Variants in DEF8 observed in about 807,000 individuals in gnomAD.
DEF8 encodes DEF-8.
A neutral mutation model predicts 59.1 loss-of-function variants in DEF8; 38 were observed. That is an observed-to-expected ratio of 0.64 (90% CI 0.50 to 0.84). The LOEUF (loss-of-function observed/expected upper bound fraction) is 0.84. Among genes scored for constraint, DEF8 ranks in the 40% least tolerant of loss-of-function variants. The pLI, the probability that DEF8 is intolerant of heterozygous loss-of-function variation, is 0.00. For synonymous variants in DEF8, 265 were observed against 250.1 expected, an observed-to-expected ratio of 1.06 and a Z score of -0.56; for missense variants, 557 against 615.2, an observed-to-expected ratio of 0.91 and a Z score of 1.00.
At chr16:89,949,323 A>G in intron 1 of DEF8, 94 bp from the exon 2 acceptor site, 1 of 1,012,276 alleles carries the variant, frequency 9.9e-7, no homozygotes, top group Non-Finnish European at 1.4e-6. Context: ...GGTGGGTGGG[A>G]GAGACCTGCC....
intron 12 of DEF8, 75 bp from the exon 13 acceptor site, chr16:89,965,786 C>T (rs893775218): frequency 2.1e-6 from 2 of 944,230 alleles, no homozygotes; most frequent in African/African-American, 1.7e-5. Flanking sequence ...ATGATAGGAG[C>T]TGACCTAGGA....
At chr16:89,965,517 G>A (rs1237138431) in intron 12 of DEF8, among the ~76,000 whole-genome samples, 1 of 152,180 alleles carries the variant, frequency 6.6e-6, no homozygotes, top group Non-Finnish European at 1.5e-5. Context: ...GTGCCGTGAT[G>A]TACAGTTTGG....
chr16:89,963,559 G>C (rs2034301818), intron 10 of DEF8, 116 bp downstream of exon 10: 8 of 749,204 alleles, frequency 1.1e-5, no homozygotes, highest in Non-Finnish European at 1.7e-5. Context: ...GCAGAGGGTC[G>C]CCTCACCACG....
chr16:89,965,376 C>T (rs1332284015), intron 12 of DEF8, among the ~76,000 whole-genome samples: 1 of 152,234 alleles, frequency 6.6e-6, no homozygotes, highest in Non-Finnish European at 1.5e-5. Context: ...TGGTGTCACA[C>T]AGATGGGACT....
At chr16:89,965,692 G>A (rs2034548439) in intron 12 of DEF8, among the ~76,000 whole-genome samples, 169 bp from the exon 13 acceptor site, 1 of 152,130 alleles carries the variant, frequency 6.6e-6, no homozygotes, top group Non-Finnish European at 1.5e-5. Flanking sequence ...CTGCACGCCC[G>A]TAAGCGCTCT....
At chr16:89,956,325 T>C (rs138780717) in intron 4 of DEF8, among the ~76,000 whole-genome samples, 484 of 151,672 alleles carry the variant, frequency 3.2e-3, no homozygotes, top group African/African-American at 0.011. Flanking sequence ...CCGGGCATAG[T>C]GGAGCGCCCC....
In DEF8 at chr16:89,967,066, A is replaced by T; in HGVS notation, c.*1103A>T. 2.6e-6 allele frequency: 1 copy of T among 383,734 alleles called. No homozygotes were observed. The highest frequency in any genetic ancestry group is 3.7e-5 in the East Asian group (1 of 26,946). 23.8% of individuals were successfully genotyped at this position (383,734 alleles called of 1,614,324 possible). On this transcript the variant is annotated 3_prime_UTR_variant, in exon 13 of 13. Coordinates refer to ENST00000563594, the MANE Select transcript of DEF8 (RefSeq NM_001242818.2). ...AACCTACAGCTCTGGGTGAGGGGAC[A>T]CTTGGCTTTGGTGTTTGCACTTTAC...
chr16:89,951,941 G>A (rs929980051), intron 2 of DEF8, among the ~76,000 whole-genome samples: 2 of 151,176 alleles, frequency 1.3e-5, no homozygotes, highest in Admixed American at 6.6e-5. Flanking sequence ...GCAGTGGTGC[G>A]TTCTCGGCTC....
chr16:89,957,661 G>A lies in DEF8; in HGVS notation c.372+1G>A, dbSNP rs1218423613. ...CCGGCTGAAGCTCCAGGAGCTGAAG[G>A]TGGGTGTGGGGCCGCCCCGCCGTGG... is the stretch of plus-strand genomic sequence containing the variant. On this transcript the variant is annotated splice_donor_variant, in intron 5 of 12. Transcript: ENST00000563594. LOFTEE classifies it high-confidence loss of function. The A allele has an allele frequency of 2.6e-6, 4 of 1,553,978 alleles. No homozygotes were observed. Among genetic ancestry groups the A allele is most frequent in the Non-Finnish European group, 3.5e-6 (4 of 1,148,282 alleles).
chr16:89,955,060 G>A, intron 3 of DEF8, 109 bp from the exon 4 acceptor site: 1 of 818,712 alleles, frequency 1.2e-6, no homozygotes, highest in South Asian at 1.5e-5. Context: ...TCCTTTCTGT[G>A]CGGCTTCCTG....
At position 89,965,633 on chromosome 16, in the gene DEF8, G is replaced by C. The variant is rs563982886; in HGVS notation, c.1254-228G>C. 7.2e-5 allele frequency among the ~76,000 whole-genome samples: 11 copies of C among 152,272 alleles called. No individual in the cohort carries two copies. In the South Asian group the frequency reaches 2.1e-3, roughly 29 times the overall value. On this transcript the variant is annotated intron_variant, in intron 12 of 12. Coordinates refer to ENST00000563594, the MANE Select transcript of DEF8 (RefSeq NM_001242818.2). The stretch of plus-strand genomic sequence containing the variant: ...CCCTCAGCTGTGTGAACTGGGACCT[G>C]TGTGGTTGGGGGATAGCAGGTAGCG...
At chr16:89,964,116 C>T (rs755484779) in intron 10 of DEF8, 54 bp from the exon 11 acceptor site, 21 of 1,602,910 alleles carry the variant, frequency 1.3e-5, no homozygotes, top group South Asian at 5.5e-5. Flanking sequence ...CATGGGTGGG[C>T]GGTGGGAGGG....
chr16:89,967,259 G>GA lies in DEF8; in HGVS notation c.*1298dup, dbSNP rs2034651092. The GA allele has an allele frequency of 2.5e-6, 1 of 398,556 alleles. No homozygotes were observed. Among genetic ancestry groups the GA allele is most frequent in the South Asian group, 1.3e-4 (1 of 7,846 alleles). The allele number at this position is 398,556 out of a possible 1,614,324, so 24.7% of individuals were successfully genotyped here. ...TGGCACACGGTGGGCAGAGGGCAGA[G>GA]AATGCCACTGCTTGGTTATTGGTCC... On this transcript the variant is annotated 3_prime_UTR_variant, in exon 13 of 13. Coordinates refer to ENST00000563594, the MANE Select transcript of DEF8 (RefSeq NM_001242818.2).
chr16:89,953,944 AC>A (rs2032657643), intron 2 of DEF8, among the ~76,000 whole-genome samples: 1 of 152,118 alleles, frequency 6.6e-6, no homozygotes, highest in African/African-American at 2.4e-5. Flanking sequence ...GGGCAAGAGG[AC>A]CCTGTGCTGG....
Position 89,967,219 on chromosome 16 carries a change from G to A in DEF8, c.*1256G>A, listed in dbSNP as rs1597547044. ...CCCACACCCTGGACTGTGCTTGGCTGTTGGTGCACATGGTTGGCACACGGT... is the reference window on the plus strand; with the variant it reads ...CCCACACCCTGGACTGTGCTTGGCTATTGGTGCACATGGTTGGCACACGGT... On this transcript the variant is annotated 3_prime_UTR_variant, in exon 13 of 13. Transcript: ENST00000563594. 5.0e-6 allele frequency: 2 copies of A among 398,564 alleles called. No homozygotes were observed. The highest frequency in any genetic ancestry group is 8.8e-6 in the Non-Finnish European group (2 of 226,180). 24.7% of individuals were successfully genotyped at this position (398,564 alleles called of 1,614,324 possible). A position where few individuals can be genotyped will look rare whatever the true frequency, so the allele number is the denominator to read the frequency against.
intron 6 of DEF8, 113 bp downstream of exon 6, chr16:89,959,268 G>T: frequency 6.4e-7 from 1 of 1,552,256 alleles, no homozygotes; most frequent in South Asian, 1.2e-5. Context: ...AGCCAAACAT[G>T]GCCAGTCAAA....
intron 6 of DEF8, among the ~76,000 whole-genome samples, chr16:89,959,914 A>G (rs960045736): frequency 6.6e-6 from 1 of 151,944 alleles, no homozygotes; most frequent in Non-Finnish European, 1.5e-5. Context: ...TGCCTTAAGG[A>G]GGAGCAGAGA....
chr16:89,963,745 A>G (rs999306206), intron 10 of DEF8: 12 of 511,860 alleles, frequency 2.3e-5, no homozygotes, highest in Non-Finnish European at 2.8e-5. Flanking sequence ...TATGTGCTCA[A>G]CAGATACAGA....
rs757592632 is a variant in DEF8 at position 89,954,329 on chromosome 16, A to G, written c.77A>G (p.Gln26Arg). Residue 26 changes from glutamine (Q) to arginine (R), a missense_variant, in exon 3 of 13, where the codon CAG (glutamine) becomes CGG (arginine). Physicochemically the swap from Gln to Arg is conservative, Grantham distance 43. Transcript: ENST00000563594. This position sits in a 1 kb window ranked among gnomAD's most constrained non-coding sequence, Gnocchi z 4.3. ...NPFNKQSGPRQHEQGPGEEVP... is the reference protein window; with the variant it reads ...NPFNKQSGPRRHEQGPGEEVP... ...TTCAACAAGCAGTCTGGGCCGAGACAGCATGAGCAGGGCCCTGGGGAGGAG... is the reference window on the plus strand; with the variant it reads ...TTCAACAAGCAGTCTGGGCCGAGACGGCATGAGCAGGGCCCTGGGGAGGAG... 6.2e-7 allele frequency: 1 copy of G among 1,613,810 alleles called. No individual in the cohort carries two copies. The highest frequency in any genetic ancestry group is 8.5e-7 in the Non-Finnish European group (1 of 1,179,934).
Sources: gnomAD v4.1 joint callset for allele counts (sites outside exome capture counted in the v4.1 genomes callset) on GRCh38, gnomAD v4.1.1 for gene constraint, Gnocchi (gnomAD v3.1) non-coding constraint, MANE v1.5 for transcripts, NCBI Gene and HGNC (gene_info 2026-07-23, HGNC 2026-07-21) for gene names.